FCHO2: variants seen among roughly 807,000 people sequenced by gnomAD.
FCHO2 encodes the protein F-BAR domain only protein 2.
In FCHO2, 43 loss-of-function variants were observed where a neutral mutation model predicts 114.1. The observed-to-expected ratio is 0.38, with a 90% CI of 0.30 to 0.49. FCHO2 has a LOEUF of 0.49. Among genes scored for constraint, FCHO2 ranks in the 20% least tolerant of loss-of-function variants. The pLI, the probability that FCHO2 is intolerant of heterozygous loss-of-function variation, is 0.97. For synonymous variants in FCHO2, 293 were observed against 315.2 expected, an observed-to-expected ratio of 0.93 and a Z score of 0.75; for missense variants, 807 against 950.4, an observed-to-expected ratio of 0.85 and a Z score of 1.98.
At chr5:72,970,981 G>A (rs1182603484) in intron 2 of FCHO2, among the ~76,000 whole-genome samples, 1 of 152,130 alleles carries the variant, frequency 6.6e-6, no homozygotes, top group East Asian at 1.9e-4. Context: ...ATAGTTTACT[G>A]AGAATGATGA....
intron 8 of FCHO2, among the ~76,000 whole-genome samples, 181 bp downstream of exon 8, chr5:73,017,489 T>C (rs1410822053): frequency 2.0e-5 from 3 of 152,182 alleles, no homozygotes; most frequent in African/African-American, 7.2e-5. Context: ...CCTAAAAATT[T>C]GTATAAAATC....
Position 73,077,354 on chromosome 5 carries a change from A to G in FCHO2, c.1708A>G (p.Thr570Ala). ...ADPTKCIVKITGDMTMSFPSG... is the reference protein window; with the variant it reads ...ADPTKCIVKIAGDMTMSFPSG... ...CTGTTTTAGGTGTATTGTGAAGATCACTGGTGATATGACAATGTCATTTCC... is the reference window on the plus strand; with the variant it reads ...CTGTTTTAGGTGTATTGTGAAGATCGCTGGTGATATGACAATGTCATTTCC... Residue 570 changes from threonine (T) to alanine (A), a missense_variant, in exon 21 of 26, where the codon ACT becomes GCT. Thr to Ala is a moderately conservative substitution (Grantham distance 58, BLOSUM62 0). Transcript: ENST00000430046. 6.3e-7 allele frequency: 1 copy of G among 1,580,644 alleles called. No individual in the cohort carries two copies. The highest frequency in any genetic ancestry group is 8.6e-7 in the Non-Finnish European group (1 of 1,161,632).
chr5:73,060,160 TA>T (rs1391327286), intron 17 of FCHO2, among the ~76,000 whole-genome samples: 1 of 151,992 alleles, frequency 6.6e-6, no homozygotes, highest in Non-Finnish European at 1.5e-5. Flanking sequence ...TCACTTCAGG[TA>T]AAAAATGGTT....
chr5:73,027,702 A>C (rs1756015447), intron 8 of FCHO2, among the ~76,000 whole-genome samples: 2 of 152,184 alleles, frequency 1.3e-5, no homozygotes, highest in Admixed American at 1.3e-4. Flanking sequence ...ATGAGTAAAG[A>C]ATTTAAAATT....
At chr5:72,995,191 A>C (rs1754022683) in intron 5 of FCHO2, among the ~76,000 whole-genome samples, 1 of 152,192 alleles carries the variant, frequency 6.6e-6, no homozygotes, top group Non-Finnish European at 1.5e-5. Flanking sequence ...CATAATACAT[A>C]TAAATGTCTT....
intron 6 of FCHO2, among the ~76,000 whole-genome samples, chr5:73,011,060 A>G (rs1754983547): frequency 6.6e-6 from 1 of 152,104 alleles, no homozygotes; most frequent in African/African-American, 2.4e-5. Flanking sequence ...GTGTCTTTAA[A>G]CATAGAAAAG....
intron 1 of FCHO2, among the ~76,000 whole-genome samples, chr5:72,957,025 G>T (rs1012381248): frequency 3.9e-5 from 6 of 151,996 alleles, no homozygotes; most frequent in African/African-American, 1.2e-4. Flanking sequence ...TTTTCGTTGA[G>T]ATTTAGACAT....
chr5:72,965,654 G>A (rs901182955), intron 1 of FCHO2, among the ~76,000 whole-genome samples: 1 of 152,136 alleles, frequency 6.6e-6, no homozygotes, highest in Non-Finnish European at 1.5e-5. Context: ...TCATCAAAGC[G>A]TATCTGTAGG....
In FCHO2 at chr5:72,968,115, G is replaced by A. The variant is rs1427637073; in HGVS notation, c.34-383G>A. ...AATTTTTTGTATTTTAAGTAGAGACGGGGTTTCACCATGTTAGCCAGGATA... is the reference window on the plus strand; with the variant it reads ...AATTTTTTGTATTTTAAGTAGAGACAGGGTTTCACCATGTTAGCCAGGATA... On this transcript the variant is annotated intron_variant, in intron 1 of 25. Coordinates refer to ENST00000430046, the MANE Select transcript of FCHO2 (RefSeq NM_138782.3). 2.6e-5 allele frequency among the ~76,000 whole-genome samples: 4 copies of A among 151,588 alleles called. No individual in the cohort carries two copies. In the East Asian group the frequency reaches 5.8e-4, roughly 22 times the overall value.
chr5:72,997,409 A>G (rs1754179946), intron 5 of FCHO2: 2 of 1,600,462 alleles, frequency 1.2e-6, no homozygotes. Context: ...GGAGTTGGGC[A>G]GCTACATCAA....
At chr5:73,037,466 G>A (rs991572984) in intron 10 of FCHO2, among the ~76,000 whole-genome samples, 1 of 151,918 alleles carries the variant, frequency 6.6e-6, no homozygotes, top group African/African-American at 2.4e-5. Flanking sequence ...GAAATGGAAA[G>A]TTTTGAAATA....
At chr5:73,052,998 C>T (rs554708948) in intron 13 of FCHO2, 2 of 152,272 alleles carry the variant, frequency 1.3e-5, no homozygotes, top group African/African-American at 4.8e-5. Flanking sequence ...TTCTAAAATA[C>T]CGTATTTAAT....
intron 6 of FCHO2, among the ~76,000 whole-genome samples, chr5:73,013,199 C>A (rs1755113747): frequency 6.6e-6 from 1 of 151,814 alleles, no homozygotes; most frequent in Non-Finnish European, 1.5e-5. Context: ...CCTCATAAAT[C>A]AAATTGATTC....
rs892416634 is a variant in FCHO2, at chr5:73,088,618, G to A, written c.*528G>A. Reference sequence around the variant, plus strand: ...AGGTAATCAGACCAGAGTCCAAGTTGTATGCAAAAAATCTATAATTTGATT... The same window carrying A: ...AGGTAATCAGACCAGAGTCCAAGTTATATGCAAAAAATCTATAATTTGATT... On this transcript the variant is annotated 3_prime_UTR_variant, in exon 26 of 26. Coordinates refer to ENST00000430046, the MANE Select transcript of FCHO2 (RefSeq NM_138782.3). 4 of 153,126 alleles carry A rather than the reference G, an allele frequency of 2.6e-5. No homozygotes were observed. Among genetic ancestry groups the A allele is most frequent in the Non-Finnish European group, 4.4e-5 (3 of 68,420 alleles). The allele number at this position is 153,126 out of a possible 1,614,324, so 9.5% of individuals were successfully genotyped here.
rs375811169 is a variant in FCHO2 at position 73,078,315 on chromosome 5, G to A, written c.1980+3G>A. On this transcript the variant is annotated splice_donor_region_variant and intron_variant, in intron 22 of 25. Coordinates refer to ENST00000430046, the MANE Select transcript of FCHO2 (RefSeq NM_138782.3). Reference sequence around the variant, plus strand: ...ATGTAGATGTATTAAAGTATCAGGTGAGTGTCACGACATTGCAAAAATTCT... The same window carrying A: ...ATGTAGATGTATTAAAGTATCAGGTAAGTGTCACGACATTGCAAAAATTCT... The A allele has an allele frequency of 5.0e-6, 8 of 1,591,344 alleles. No individual in the cohort carries two copies. Among genetic ancestry groups the A allele is most frequent in the Non-Finnish European group, 6.8e-6 (8 of 1,171,950 alleles).
At chr5:73,079,445 C>T (rs1471212976) in intron 22 of FCHO2, among the ~76,000 whole-genome samples, 1 of 152,088 alleles carries the variant, frequency 6.6e-6, no homozygotes, top group Admixed American at 6.6e-5. Context: ...GACATAGTAG[C>T]ATTTCAAGGC....
intron 10 of FCHO2, 125 bp from the exon 11 acceptor site, chr5:73,041,166 T>C: frequency 1.5e-6 from 1 of 646,460 alleles, no homozygotes; most frequent in South Asian, 1.8e-5. Context: ...TGGTTTGATT[T>C]CTCTGAATAT....
chr5:73,035,301 C>T (rs1287840677), intron 9 of FCHO2, among the ~76,000 whole-genome samples: 7 of 152,014 alleles, frequency 4.6e-5, no homozygotes. Flanking sequence ...CACCTGTAGT[C>T]CCAGCTACTG....
In FCHO2 at chr5:73,087,604, G is replaced by T; in HGVS notation, c.2261G>T (p.Arg754Leu). ...KSENGGSGSL[R>L]AKFDLSEGPS... is the part of the protein sequence containing the mutation. The stretch of plus-strand genomic sequence containing the variant: ...TTCTTTGTAGGTTCTGGGTCCCTCC[G>T]AGCAAAATTTGATCTTTCAGAAGGA... The change falls in exon 25 of 26, where the codon CGA (arginine) becomes CTA (leucine). Residue 754 changes from arginine to leucine, a missense_variant. Physicochemically the swap from Arg to Leu is moderately radical, Grantham distance 102. Transcript: ENST00000430046. The T allele has an allele frequency of 6.2e-7, 1 of 1,613,584 alleles. No individual in the cohort carries two copies. The highest frequency in any genetic ancestry group is 1.1e-5 in the South Asian group (1 of 91,050).
Sources: allele counts gnomAD v4.1 joint callset (sites outside exome capture counted in the v4.1 genomes callset), GRCh38; gene constraint gnomAD v4.1.1; transcripts MANE v1.5; gene names NCBI Gene and HGNC (gene_info 2026-07-23, HGNC 2026-07-21).